The following SLC9A7 variants were observed in gnomAD, a reference collection of about 807,000 sequenced individuals.
SLC9A7 encodes the protein solute carrier family 9 member A7, also known as sodium/hydrogen exchanger 7.
Under a neutral mutation model 52.6 loss-of-function variants are expected in SLC9A7, and 19 were observed. The observed-to-expected ratio is 0.36, with a 90% CI of 0.25 to 0.53. The LOEUF is 0.53. Ranked by LOEUF, SLC9A7 falls within the 20% of genes least tolerant of loss-of-function variation. The pLI is 0.91. For synonymous variants in SLC9A7, 226 were observed against 252.1 expected, an observed-to-expected ratio of 0.90 and a Z score of 0.98; for missense variants, 455 against 597.9, an observed-to-expected ratio of 0.76 and a Z score of 2.49.
intron 1 of SLC9A7, among the ~76,000 whole-genome samples, chrX:46,713,623 G>A (rs532381018): frequency 5.4e-5 from 6 of 110,395 alleles, no homozygotes; most frequent in African/African-American, 9.8e-5. Flanking sequence ...TTTTTTCTGC[G>A]GAGGGTCAAG....
At chrX:46,757,973 A>G (rs782094415) in intron 1 of SLC9A7, among the ~76,000 whole-genome samples, 2 of 111,486 alleles carry the variant, frequency 1.8e-5, no homozygotes, top group East Asian at 5.7e-4. Flanking sequence ...ATGTATCTCA[A>G]ACTCACTCCC....
intron 5 of SLC9A7, among the ~76,000 whole-genome samples, chrX:46,665,130 T>C (rs773866401): frequency 3.6e-5 from 4 of 110,242 alleles, no homozygotes; most frequent in Non-Finnish European, 7.6e-5. Flanking sequence ...TGGTCTTTAA[T>C]GGGAGAGATG....
At chrX:46,664,946 C>A (rs926972148) in intron 5 of SLC9A7, among the ~76,000 whole-genome samples, 2 of 110,345 alleles carry the variant, frequency 1.8e-5, no homozygotes, top group South Asian at 7.7e-4. Context: ...TAACAATAAA[C>A]ACGTACATAG....
chrX:46,719,515 TAAATA>T (rs1406601747), intron 1 of SLC9A7, among the ~76,000 whole-genome samples: 1 of 111,401 alleles, frequency 9.0e-6, no homozygotes, highest in African/African-American at 3.3e-5. Context: ...ATGAGCATAA[TAAATA>T]AAATAAATAA....
chrX:46,661,545 T>C (rs1248532836), intron 7 of SLC9A7, among the ~76,000 whole-genome samples: 2 of 111,409 alleles, frequency 1.8e-5, no homozygotes, highest in Non-Finnish European at 3.8e-5. Flanking sequence ...TTCCACACTG[T>C]TTTTTTAGTT....
At chrX:46,698,775 A>T (rs993486603) in intron 1 of SLC9A7, among the ~76,000 whole-genome samples, 6 of 111,626 alleles carry the variant, frequency 5.4e-5, no homozygotes, top group African/African-American at 2.0e-4. Context: ...GGGGAAAGGG[A>T]TTTGCGTACA....
chrX:46,705,633 G>A (rs1944592619), intron 1 of SLC9A7, among the ~76,000 whole-genome samples: 1 of 111,610 alleles, frequency 9.0e-6, no homozygotes, highest in African/African-American at 3.3e-5. Context: ...TCAGGAGTTT[G>A]AGCCTAGCCT....
chrX:46,684,501 G>A (rs1944263914), intron 1 of SLC9A7, among the ~76,000 whole-genome samples: 1 of 111,588 alleles, frequency 9.0e-6, no homozygotes, highest in Non-Finnish European at 1.9e-5. Context: ...CACCATGCCT[G>A]GCCCCAGACC....
rs145789906 is a variant in SLC9A7 at position 46,643,237 on chromosome X, T to C, written c.1615A>G (p.Arg539Gly). The change falls in exon 12 of 17, where the codon AGA (arginine) becomes GGA (glycine). Residue 539 changes from arginine (R) to glycine (G), a missense_variant and splice_region_variant. Around this residue, in one of 3 missense-constraint regions of SLC9A7, gnomAD observed 146 missense variants for 160.5 expected, o/e 0.91. Transcript: ENST00000616978. ...AATTAGCCTTGGTTCCAAACCAACC[T>C]GATGTTAAGCCATGACAACATGGGT... ...TTPMLSWLNI[R>G]VGVEEPSEED... The C allele has an allele frequency of 3.3e-6, 4 of 1,205,309 alleles. No homozygotes were observed. Among genetic ancestry groups the C allele is most frequent in the Non-Finnish European group, 4.5e-6 (4 of 890,713 alleles).
chrX:46,708,612 A>G (rs775995197), intron 1 of SLC9A7, among the ~76,000 whole-genome samples: 73 of 112,320 alleles, frequency 6.5e-4, no homozygotes, highest in African/African-American at 2.3e-3. Context: ...AGGCACTGAC[A>G]GCAGAGCCCA....
At chrX:46,722,011 G>A (rs149242833) in intron 1 of SLC9A7, among the ~76,000 whole-genome samples, 70 of 111,506 alleles carry the variant, frequency 6.3e-4, no homozygotes, top group South Asian at 1.9e-3. Context: ...TCCAGTTCAA[G>A]GCTTGATAAG....
intron 7 of SLC9A7, among the ~76,000 whole-genome samples, chrX:46,655,525 G>A (rs1475558139): frequency 3.6e-5 from 4 of 111,346 alleles, no homozygotes; most frequent in African/African-American, 9.8e-5. Flanking sequence ...CACCATGTGC[G>A]AGCCGAAGCA....
In SLC9A7 at chrX:46,605,212, A is replaced by C. The variant is rs1942725520; in HGVS notation, c.*1740T>G. 1 of 109,512 alleles carries C rather than the reference A, an allele frequency of 9.1e-6. No homozygotes were observed. Among genetic ancestry groups the C allele is most frequent in the Admixed American group, 9.8e-5 (1 of 10,211 alleles). The allele number at this position is 109,512 out of a possible 1,213,427, so 9.0% of individuals were successfully genotyped here. On this transcript the variant is annotated 3_prime_UTR_variant, in exon 17 of 17. Coordinates refer to ENST00000616978, the MANE Select transcript of SLC9A7 (RefSeq NM_001257291.2). ...TCTCAAAAAAAAAAAAAAAAAGGAA[A>C]GAAAGAAAAAAAGAAAAGCCCACGT...
At chrX:46,748,946 T>C (rs1241734901) in intron 1 of SLC9A7, among the ~76,000 whole-genome samples, 1 of 111,263 alleles carries the variant, frequency 9.0e-6, no homozygotes, top group African/African-American at 3.3e-5. Context: ...CGGCAAGTTT[T>C]ATGTTATGTA....
At chrX:46,634,050 A>AG (rs1447282640) in intron 13 of SLC9A7, among the ~76,000 whole-genome samples, 4 of 111,743 alleles carry the variant, frequency 3.6e-5, no homozygotes, top group Non-Finnish European at 7.5e-5. Context: ...TCCTAGTGCC[A>AG]GGTCACTGTC....
In SLC9A7 at chrX:46,742,966, A is replaced by G. The variant is rs182914938; in HGVS notation, c.325+15739T>C. Among the ~76,000 whole-genome samples the G allele has an allele frequency of 3.5e-4, 39 of 110,326 alleles. No individual in the cohort carries two copies. In the Admixed American group the frequency reaches 3.6e-3, roughly 10 times the overall value. On this transcript the variant is annotated intron_variant, in intron 1 of 16. Coordinates refer to ENST00000616978, the MANE Select transcript of SLC9A7 (RefSeq NM_001257291.2). ...ACTCAGGAGGCTGAGGCAGGAGATC[A>G]CTTGAATCCAGGAGTGTGAGGCTGC...
intron 1 of SLC9A7, among the ~76,000 whole-genome samples, chrX:46,757,599 T>A (rs1294870323): frequency 1.8e-5 from 2 of 112,729 alleles, no homozygotes; most frequent in Non-Finnish European, 3.7e-5. Context: ...CCTCAGTATA[T>A]GTGATAAAAT....
At chrX:46,721,523 T>C (rs994423742) in intron 1 of SLC9A7, among the ~76,000 whole-genome samples, 1 of 112,044 alleles carries the variant, frequency 8.9e-6, no homozygotes, top group Non-Finnish European at 1.9e-5. Flanking sequence ...CTTTTTTTTT[T>C]TCCAATCCAT....
chrX:46,701,062 CCTGATTAAAA>C (rs2146914755), intron 1 of SLC9A7, among the ~76,000 whole-genome samples: 1 of 111,352 alleles, frequency 9.0e-6, no homozygotes, highest in Admixed American at 9.6e-5. Flanking sequence ...TTTGGTTCTC[CCTGATTAAAA>C]CTGATGGGGC....
Sources: allele counts gnomAD v4.1 joint callset (sites outside exome capture counted in the v4.1 genomes callset), GRCh38; gene constraint gnomAD v4.1.1; regional missense constraint gnomAD v4.1.1; transcripts MANE v1.5; gene names NCBI Gene and HGNC (gene_info 2026-07-23, HGNC 2026-07-21).